The following GLRA3 variants were observed in gnomAD, a reference collection of about 807,000 sequenced individuals.
GLRA3 encodes the protein glycine receptor subunit alpha-3.
A neutral mutation model predicts 60.4 loss-of-function variants in GLRA3; 44 were observed. That is an observed-to-expected ratio of 0.73 (90% CI 0.57 to 0.94). GLRA3 has a LOEUF of 0.94. Among genes scored for constraint, GLRA3 ranks in the 40% least tolerant of loss-of-function variants. The pLI is 0.00. For synonymous variants in GLRA3, 223 were observed against 192.9 expected (o/e 1.16, Z -1.29); for missense variants, 508 against 564.6 (o/e 0.90, Z 1.02).
intron 5 of GLRA3, among the ~76,000 whole-genome samples, chr4:174,699,864 TTTAA>T (rs1735235795): frequency 1.3e-5 from 2 of 151,236 alleles, no homozygotes; most frequent in African/African-American, 4.8e-5. Flanking sequence ...GCATTAATTA[TTTAA>T]TTAATACTTA....
intron 5 of GLRA3, among the ~76,000 whole-genome samples, chr4:174,691,632 G>C (rs1275445593): frequency 1.2e-4 from 19 of 152,220 alleles, no homozygotes; most frequent in Non-Finnish European, 2.9e-5. Context: ...AACCGCGAGT[G>C]ATCCGCCAGC....
chr4:174,747,038 G>A (rs1737281828), intron 3 of GLRA3, among the ~76,000 whole-genome samples: 2 of 152,134 alleles, frequency 1.3e-5, no homozygotes, highest in South Asian at 4.1e-4. Context: ...CTCAGAATTT[G>A]TTTGTTTACA....
chr4:174,829,101 A>G lies in GLRA3; in HGVS notation c.-290T>C. On this transcript the variant is annotated 5_prime_UTR_variant, in exon 1 of 10. Coordinates refer to ENST00000274093, the MANE Select transcript of GLRA3 (RefSeq NM_006529.4). ...CCTAGGTGCTGGGCAACAGTTCTCT[A>G]AAGCTCCAGCAGCAAAGGAAGAATG... 3.5e-6 allele frequency: 1 copy of G among 287,134 alleles called. No individual in the cohort carries two copies. The highest frequency in any genetic ancestry group is 6.6e-6 in the Non-Finnish European group (1 of 150,908). The allele number at this position is 287,134 out of a possible 1,614,324, so 17.8% of individuals were successfully genotyped here.
chr4:174,690,566 CAT>C (rs1386587197), intron 5 of GLRA3, among the ~76,000 whole-genome samples: 1 of 152,152 alleles, frequency 6.6e-6, no homozygotes, highest in Non-Finnish European at 1.5e-5. Flanking sequence ...TACGTAAACA[CAT>C]GTCACAGGGC....
chr4:174,790,825 C>CAAAAAAAAA (rs751090125), intron 1 of GLRA3, among the ~76,000 whole-genome samples: 162 of 65,062 alleles, frequency 2.5e-3, no homozygotes, highest in Non-Finnish European at 3.2e-3. Flanking sequence ...CTAAAAAATA[C>CAAAAAAAAA]AAAAAAAAAA....
intron 1 of GLRA3, among the ~76,000 whole-genome samples, chr4:174,825,814 A>G (rs28652931): frequency 0.71 from 108,372 of 151,862 alleles, 39,485 homozygotes; most frequent in Non-Finnish European, 0.8. Flanking sequence ...TAAAGTATAG[A>G]TGATACTTTA....
chr4:174,657,390 G>A (rs1733252016), intron 8 of GLRA3, among the ~76,000 whole-genome samples: 1 of 152,130 alleles, frequency 6.6e-6, no homozygotes, highest in Non-Finnish European at 1.5e-5. Context: ...TACAGGACAT[G>A]CTTGATACAT....
At chr4:174,678,187 T>C (rs1485565590) in intron 6 of GLRA3, among the ~76,000 whole-genome samples, 2 of 152,222 alleles carry the variant, frequency 1.3e-5, no homozygotes, top group Non-Finnish European at 2.9e-5. Context: ...CTTATGCTTT[T>C]ATGTCTCTAT....
chr4:174,804,603 C>T (rs1034016310), intron 1 of GLRA3, among the ~76,000 whole-genome samples: 1 of 152,116 alleles, frequency 6.6e-6, no homozygotes, highest in Non-Finnish European at 1.5e-5. Flanking sequence ...TAGTGTCATT[C>T]ATCTGGGATA....
At chr4:174,695,912 T>C (rs1200269241) in intron 5 of GLRA3, among the ~76,000 whole-genome samples, 1 of 152,008 alleles carries the variant, frequency 6.6e-6, no homozygotes, top group Non-Finnish European at 1.5e-5. Flanking sequence ...AAAATCAATG[T>C]ACAAAAATCA....
At chr4:174,736,613 T>C (rs1031843275) in intron 3 of GLRA3, among the ~76,000 whole-genome samples, 1 of 152,216 alleles carries the variant, frequency 6.6e-6, no homozygotes, top group Non-Finnish European at 1.5e-5. Context: ...GCATAAGTTT[T>C]TACAAGGTTT....
chr4:174,651,545 A>C (rs1410717098), intron 9 of GLRA3, among the ~76,000 whole-genome samples: 1 of 152,138 alleles, frequency 6.6e-6, no homozygotes, highest in Admixed American at 6.6e-5. Flanking sequence ...TAACAACTTG[A>C]ATCATTTTAC....
At chr4:174,714,427 C>T (rs1428399771) in intron 5 of GLRA3, among the ~76,000 whole-genome samples, 1 of 152,150 alleles carries the variant, frequency 6.6e-6, no homozygotes, top group Non-Finnish European at 1.5e-5. Context: ...TACGTTAGTA[C>T]TTTATCCATA....
At chr4:174,658,197 C>G (rs1733289138) in intron 8 of GLRA3, among the ~76,000 whole-genome samples, 1 of 152,130 alleles carries the variant, frequency 6.6e-6, no homozygotes, top group Non-Finnish European at 1.5e-5. Context: ...ATCCTTGCCA[C>G]AATTACACAA....
intron 5 of GLRA3, among the ~76,000 whole-genome samples, chr4:174,683,163 A>T (rs899972711): frequency 2.6e-5 from 4 of 152,196 alleles, no homozygotes; most frequent in Non-Finnish European, 5.9e-5. Context: ...AAATGGACTC[A>T]TTAAAAGTAT....
intron 1 of GLRA3, among the ~76,000 whole-genome samples, chr4:174,799,768 T>G (rs925385438): frequency 9.2e-5 from 14 of 152,248 alleles, no homozygotes; most frequent in Non-Finnish European, 1.3e-4. Context: ...AAATACATCA[T>G]TTTGGGAGGA....
At chr4:174,663,656 C>G (rs566074418) in intron 7 of GLRA3, among the ~76,000 whole-genome samples, 5 of 152,310 alleles carry the variant, frequency 3.3e-5, no homozygotes, top group African/African-American at 1.2e-4. Context: ...TTCTCCTCCT[C>G]CATTCTAGCT....
chr4:174,717,305 AAAG>A (rs1487708001), intron 4 of GLRA3, among the ~76,000 whole-genome samples: 1 of 150,988 alleles, frequency 6.6e-6, no homozygotes, highest in Non-Finnish European at 1.5e-5. Context: ...AAAGAAAAAG[AAAG>A]AAGGAAAGAA....
At position 174,677,129 on chromosome 4, in the gene GLRA3, A is replaced by T. The variant is rs12648678; in HGVS notation, c.876T>A (p.Thr292=). 1.1e-5 allele frequency: 17 copies of T among 1,613,318 alleles called. No individual in the cohort carries two copies. Among genetic ancestry groups the T allele is most frequent in the Non-Finnish European group, 1.2e-5 (14 of 1,179,484 alleles). The change falls in exon 7 of 10, where the codon ACT becomes ACA. Residue 292 remains threonine, a synonymous_variant. Transcript: ENST00000274093. ...AACTCTGTGTAGTCATCGTTAGCAC[A>T]GTGGTTATCCCCAGAGCTACCCTGG... ...APARVALGIT[T]VLTMTTQSSG...
Sources: allele counts gnomAD v4.1 joint callset (sites outside exome capture counted in the v4.1 genomes callset), GRCh38; gene constraint gnomAD v4.1.1; transcripts MANE v1.5; gene names NCBI Gene and HGNC (gene_info 2026-07-23, HGNC 2026-07-21).